Variants in PCSK5 observed in about 807,000 individuals in gnomAD.
PCSK5 encodes the protein prohormone convertase 5.
A neutral mutation model predicts 233.2 loss-of-function variants in PCSK5; 129 were observed. The ratio of observed to expected loss-of-function variants is 0.55; its 90% CI spans 0.48 to 0.64. The LOEUF is 0.64. Among genes scored for constraint, PCSK5 ranks in the 30% least tolerant of loss-of-function variants. The probability of loss-of-function intolerance (pLI) is 0.00; values close to 1 mark genes in which losing one functional copy is unlikely to be tolerated. For missense variants in PCSK5, 2,076 were observed against 2,430.1 expected (o/e 0.85, Z 3.06); for synonymous variants, 825 against 879.2 (o/e 0.94, Z 1.09).
intron 26 of PCSK5, 110 bp from the exon 27 acceptor site, chr9:76,296,555 A>G: frequency 1.5e-6 from 1 of 689,242 alleles, no homozygotes; most frequent in South Asian, 1.9e-5. Context: ...AAATAATAAT[A>G]AAAACAAATG....
chr9:76,096,631 T>A (rs1054574372), intron 8 of PCSK5, among the ~76,000 whole-genome samples: 3 of 150,760 alleles, frequency 2.0e-5, no homozygotes, highest in African/African-American at 7.3e-5. Context: ...TGAGATGAAG[T>A]CTAACTGTTG....
Position 76,354,178 on chromosome 9 carries a change from C to A in PCSK5, c.5213C>A (p.Pro1738His). 6.3e-7 allele frequency: 1 copy of A among 1,589,628 alleles called. No individual in the cohort carries two copies. Residue 1738 changes from proline (P) to histidine (H), a missense_variant, in exon 37 of 38, where the codon CCC becomes CAC. Around this residue, in one of 6 missense-constraint regions of PCSK5, gnomAD observed 1,510 missense variants for 1,538.1 expected, o/e 0.98. Transcript: ENST00000674117. Reference protein sequence around the residue: ...HCLHCCNTSDPPSAQECCDCQ... With the variant: ...HCLHCCNTSDHPSAQECCDCQ... ...CTCCACTGCTGCAACACCTCTGATC[C>A]CCCCAGTGCCCAGGAGTGCTGTGAC...
chr9:76,106,548 A>T (rs558522631), intron 8 of PCSK5, among the ~76,000 whole-genome samples: 3 of 151,172 alleles, frequency 2.0e-5, no homozygotes, highest in Admixed American at 2.0e-4. Context: ...CATTTTGATT[A>T]AAAAATAAAA....
chr9:76,148,621 G>A (rs1327638733), intron 10 of PCSK5, among the ~76,000 whole-genome samples: 1 of 152,130 alleles, frequency 6.6e-6, no homozygotes, highest in Non-Finnish European at 1.5e-5. Context: ...GCTGGCCTCT[G>A]TTGACAGGGG....
At chr9:76,278,982 T>C (rs1175900027) in intron 24 of PCSK5, among the ~76,000 whole-genome samples, 6 of 151,852 alleles carry the variant, frequency 4.0e-5, no homozygotes, top group African/African-American at 1.5e-4. Context: ...TACATATGTA[T>C]ACATGTGCCA....
chr9:76,336,348 C>T (rs919505239), intron 34 of PCSK5, among the ~76,000 whole-genome samples: 1 of 152,048 alleles, frequency 6.6e-6, no homozygotes, highest in Admixed American at 6.6e-5. Context: ...TAGTGTTGCA[C>T]CAGAGAAAAC....
intron 11 of PCSK5, among the ~76,000 whole-genome samples, chr9:76,157,543 A>T (rs2377524): frequency 0.76 from 115,123 of 151,720 alleles, 44,333 homozygotes; most frequent in East Asian, 1. Flanking sequence ...GTACGGTAAA[A>T]GAGATTGCAG....
At chr9:75,960,531 A>C (rs1390661349) in intron 2 of PCSK5, among the ~76,000 whole-genome samples, 1 of 152,260 alleles carries the variant, frequency 6.6e-6, no homozygotes, top group Non-Finnish European at 1.5e-5. Context: ...AAAGGGCATG[A>C]ATAAAGAAAA....
At chr9:76,344,160 T>C (rs962902566) in intron 35 of PCSK5, among the ~76,000 whole-genome samples, 1 of 152,188 alleles carries the variant, frequency 6.6e-6, no homozygotes, top group African/African-American at 2.4e-5. Flanking sequence ...GGCTGCTGTA[T>C]TGGACACCAC....
At chr9:75,924,653 A>G (rs1823400299) in intron 1 of PCSK5, among the ~76,000 whole-genome samples, 1 of 152,166 alleles carries the variant, frequency 6.6e-6, no homozygotes, top group African/African-American at 2.4e-5. Context: ...TCTTGGAGAT[A>G]CTTGGCAATT....
intron 24 of PCSK5, among the ~76,000 whole-genome samples, chr9:76,280,480 A>T (rs58381514): frequency 6.6e-6 from 1 of 152,040 alleles, no homozygotes; most frequent in Non-Finnish European, 1.5e-5. Flanking sequence ...GGTGGCTCAC[A>T]CCTATAATCC....
In PCSK5 at chr9:76,158,987, A is replaced by T. The variant is rs767144881; in HGVS notation, c.1435A>T (p.Ile479Phe). ...CTCCATCTCTCTCTGTTACAGGACAATCCGCCCTAACAGTGCAGTGCGCTC... is the reference window on the plus strand; with the variant it reads ...CTCCATCTCTCTCTGTTACAGGACATTCCGCCCTAACAGTGCAGTGCGCTC... ...VESTDRQIKT[I>F]RPNSAVRSIY... Residue 479 changes from isoleucine (I) to phenylalanine (F), a missense_variant, in exon 12 of 38, where the codon ATC (isoleucine) becomes TTC (phenylalanine). By Grantham distance (21) the Ile-to-Phe change is conservative. Coordinates refer to ENST00000674117, the MANE Select transcript of PCSK5 (RefSeq NM_001372043.1). 2.8e-5 allele frequency: 45 copies of T among 1,613,492 alleles called. No individual in the cohort carries two copies. Among genetic ancestry groups the T allele is most frequent in the Non-Finnish European group, 3.6e-5 (43 of 1,179,532 alleles).
Position 76,297,015 on chromosome 9 carries a change from T to C in PCSK5, c.3523+150T>C, listed in dbSNP as rs145434118. Reference sequence around the variant, plus strand: ...GTGAGAATCAAGTTGGGATCGTTCCTGAGTCTCTCTGATGCTTGCAGTAGG... The same window carrying C: ...GTGAGAATCAAGTTGGGATCGTTCCCGAGTCTCTCTGATGCTTGCAGTAGG... On this transcript the variant is annotated intron_variant, in intron 27 of 37. Transcript: ENST00000674117. 1,548 of 620,416 alleles carry C rather than the reference T, an allele frequency of 2.5e-3. 15 individuals are homozygous for C. The African/African-American group carries it at 0.026, about 10-fold the overall frequency. 38.4% of individuals were successfully genotyped at this position (620,416 alleles called of 1,614,324 possible). A position where few individuals can be genotyped will look rare whatever the true frequency, so the allele number is the denominator to read the frequency against.
At chr9:76,048,771 T>C (rs542356989) in intron 5 of PCSK5, among the ~76,000 whole-genome samples, 3 of 152,352 alleles carry the variant, frequency 2.0e-5, no homozygotes, top group South Asian at 4.1e-4. Context: ...CTTACAACTT[T>C]AATTGATTTG....
chr9:76,041,775 G>T (rs1829129361), intron 5 of PCSK5, among the ~76,000 whole-genome samples: 1 of 150,350 alleles, frequency 6.7e-6, no homozygotes. Flanking sequence ...GGAGGCAGAG[G>T]TTGCAGTGAG....
intron 9 of PCSK5, among the ~76,000 whole-genome samples, chr9:76,112,726 A>G (rs759436584): frequency 4.6e-5 from 7 of 152,294 alleles, no homozygotes; most frequent in East Asian, 1.9e-4. Flanking sequence ...AAAATATTAT[A>G]TATCACTTGC....
intron 24 of PCSK5, among the ~76,000 whole-genome samples, chr9:76,253,310 C>T (rs1262274710): frequency 5.9e-5 from 9 of 151,650 alleles, no homozygotes; most frequent in Non-Finnish European, 1.3e-4. Context: ...AATATAAATG[C>T]AATGTCAATA....
chr9:76,316,204 C>G (rs1194003070), intron 30 of PCSK5, among the ~76,000 whole-genome samples: 1 of 151,988 alleles, frequency 6.6e-6, no homozygotes, highest in African/African-American at 2.4e-5. Flanking sequence ...TGTGGCAAGC[C>G]AGTTCCCACC....
intron 3 of PCSK5, among the ~76,000 whole-genome samples, chr9:76,021,767 G>A (rs1587509145): frequency 6.6e-6 from 1 of 152,176 alleles, no homozygotes; most frequent in Non-Finnish European, 1.5e-5. Flanking sequence ...GGAGGCACCT[G>A]TAAGGGATGA....
Sources: gnomAD v4.1 joint callset for allele counts (sites outside exome capture counted in the v4.1 genomes callset) on GRCh38, gnomAD v4.1.1 for gene constraint, gnomAD v4.1.1 regional missense constraint, MANE v1.5 for transcripts, NCBI Gene and HGNC (gene_info 2026-07-23, HGNC 2026-07-21) for gene names.